The following TDRD3 variants were observed in gnomAD, a reference collection of about 807,000 sequenced individuals.
TDRD3 encodes the protein tudor domain-containing protein 3.
A neutral mutation model predicts 86.7 loss-of-function variants in TDRD3; 45 were observed. The ratio of observed to expected loss-of-function variants is 0.52; its 90% confidence interval spans 0.41 to 0.67. The LOEUF is 0.67. Among genes scored for constraint, TDRD3 ranks in the 30% least tolerant of loss-of-function variants. The pLI is 0.00. For missense variants in TDRD3, 814 were observed against 889.0 expected (o/e 0.92, Z 1.07); for synonymous variants, 298 against 301.7 (o/e 0.99, Z 0.13).
intron 1 of TDRD3, among the ~76,000 whole-genome samples, chr13:60,437,121 CTTTTTT>C (rs528500199): frequency 1.1e-4 from 8 of 73,760 alleles, no homozygotes; most frequent in African/African-American, 4.3e-4. Flanking sequence ...ATAAATTAAA[CTTTTTT>C]TTTTTTTTTT....
chr13:60,459,652 G>T (rs913058279), intron 3 of TDRD3, among the ~76,000 whole-genome samples: 3 of 152,092 alleles, frequency 2.0e-5, no homozygotes, highest in Admixed American at 6.5e-5. Flanking sequence ...ACGGAGTCTC[G>T]CTCTGTCATC....
chr13:60,403,407 G>C (rs1954154031), intron 1 of TDRD3, among the ~76,000 whole-genome samples: 1 of 152,114 alleles, frequency 6.6e-6, no homozygotes, highest in South Asian at 2.1e-4. Context: ...TCATGTTTCA[G>C]TTAAGTGCCA....
chr13:60,560,827 A>T (rs1198990320), intron 12 of TDRD3, among the ~76,000 whole-genome samples: 3 of 152,180 alleles, frequency 2.0e-5, no homozygotes, highest in African/African-American at 7.2e-5. Flanking sequence ...GTCCTCCCGA[A>T]ATTTTCTGTG....
intron 5 of TDRD3, among the ~76,000 whole-genome samples, chr13:60,473,986 T>TGA (rs1028396042): frequency 1.3e-5 from 2 of 152,296 alleles, no homozygotes; most frequent in African/African-American, 4.8e-5. Flanking sequence ...AAGGCCTGAC[T>TGA]GATGGCAGGC....
chr13:60,467,161 G>A (rs1458453454), intron 4 of TDRD3, 77 bp from the exon 5 acceptor site: 22 of 1,552,212 alleles, frequency 1.4e-5, no homozygotes, highest in East Asian at 6.8e-5. Flanking sequence ...GACAGGCCCC[G>A]GTCTGTGTTG....
chr13:60,439,110 A>G (rs1955192294), intron 1 of TDRD3, among the ~76,000 whole-genome samples: 2 of 148,852 alleles, frequency 1.3e-5, no homozygotes, highest in Admixed American at 6.6e-5. Context: ...GACAATGCGT[A>G]AAAAAAACTG....
At chr13:60,429,073 G>T (rs560217954) in intron 1 of TDRD3, among the ~76,000 whole-genome samples, 1 of 152,220 alleles carries the variant, frequency 6.6e-6, no homozygotes, top group South Asian at 2.1e-4. Flanking sequence ...TAAAGAAATG[G>T]AAATGAGAAT....
At chr13:60,436,622 G>C (rs1391759346) in intron 1 of TDRD3, among the ~76,000 whole-genome samples, 1 of 152,024 alleles carries the variant, frequency 6.6e-6, no homozygotes, top group Admixed American at 6.6e-5. Flanking sequence ...TGTTCCATTG[G>C]TATCATTGCG....
intron 3 of TDRD3, among the ~76,000 whole-genome samples, chr13:60,448,065 A>G (rs1955449005): frequency 1.3e-5 from 2 of 152,060 alleles, no homozygotes; most frequent in South Asian, 2.1e-4. Context: ...TTCAAACTTC[A>G]TCTCCTGAAA....
At chr13:60,448,472 T>C (rs779928504) in intron 3 of TDRD3, among the ~76,000 whole-genome samples, 1 of 152,184 alleles carries the variant, frequency 6.6e-6, no homozygotes, top group African/African-American at 2.4e-5. Context: ...TAACATACTT[T>C]TCAATTTCTG....
chr13:60,439,946 GTTA>G (rs1284531656), intron 2 of TDRD3, among the ~76,000 whole-genome samples, 174 bp downstream of exon 2: 8 of 152,012 alleles, frequency 5.3e-5, no homozygotes, highest in African/African-American at 9.7e-5. Flanking sequence ...ATATTAGCAA[GTTA>G]TTAATATCTG....
intron 8 of TDRD3, among the ~76,000 whole-genome samples, chr13:60,495,709 C>T (rs1053132593): frequency 3.9e-5 from 6 of 152,132 alleles, no homozygotes; most frequent in African/African-American, 9.7e-5. Flanking sequence ...AGATGATCCA[C>T]CCGCTTCTTC....
Position 60,565,041 on chromosome 13 carries a change from CTTTTTTTTTTT to C in TDRD3, c.2119-2462_2119-2452del, listed in dbSNP as rs869194148. Among the ~76,000 whole-genome samples, 304 of 70,874 alleles carry C rather than the reference CTTTTTTTTTTT, an allele frequency of 4.3e-3. 1 individual carries two copies. The highest frequency in any genetic ancestry group is 0.017 in the African/African-American group (275 of 16,182). 46.5% of individuals were successfully genotyped at this position (70,874 alleles called of 152,430 possible). A position where few individuals can be genotyped will look rare whatever the true frequency, so the allele number is the denominator to read the frequency against. ...GAACTGAAAACCAAACTATCAGTAT[CTTTTTTTTTTT>C]TTTTTTTTTTTTTTTTTTTTTGAGA... On this transcript the variant is annotated intron_variant, in intron 12 of 13. Coordinates refer to ENST00000377881, the MANE Select transcript of TDRD3 (RefSeq NM_001146070.2).
intron 1 of TDRD3, among the ~76,000 whole-genome samples, chr13:60,427,072 G>A (rs1954831592): frequency 1.3e-5 from 2 of 152,314 alleles, no homozygotes; most frequent in South Asian, 2.1e-4. Context: ...TAAAAATACA[G>A]TATTTTAATC....
chr13:60,553,095 A>G (rs1224796171), intron 12 of TDRD3, among the ~76,000 whole-genome samples: 1 of 152,224 alleles, frequency 6.6e-6, no homozygotes, highest in East Asian at 1.9e-4. Context: ...ACTCTTACCC[A>G]GAAAATGGGT....
At chr13:60,500,805 G>A (rs1489351771) in intron 8 of TDRD3, among the ~76,000 whole-genome samples, 1 of 152,218 alleles carries the variant, frequency 6.6e-6, no homozygotes, top group Non-Finnish European at 1.5e-5. Context: ...GAAGATGTTT[G>A]TATCCCATGT....
At chr13:60,507,667 T>C (rs1466997724) in intron 8 of TDRD3, among the ~76,000 whole-genome samples, 1 of 152,072 alleles carries the variant, frequency 6.6e-6, no homozygotes, top group Non-Finnish European at 1.5e-5. Context: ...AATACCAGAA[T>C]CTCTGGGACA....
chr13:60,529,525 CAT>C (rs1010812826), intron 11 of TDRD3, among the ~76,000 whole-genome samples: 2 of 152,108 alleles, frequency 1.3e-5, no homozygotes, highest in Non-Finnish European at 2.9e-5. Flanking sequence ...AACTGAATTA[CAT>C]ATGTTTGCTT....
intron 1 of TDRD3, among the ~76,000 whole-genome samples, 156 bp downstream of exon 1, chr13:60,397,561 C>T (rs1268942369): frequency 2.0e-5 from 3 of 149,786 alleles, no homozygotes; most frequent in Non-Finnish European, 4.4e-5. Context: ...CCGCCCCCGG[C>T]GCCACGCGGA....
Sources: gnomAD v4.1 joint callset for allele counts (sites outside exome capture counted in the v4.1 genomes callset) on GRCh38, gnomAD v4.1.1 for gene constraint, MANE v1.5 for transcripts, NCBI Gene and HGNC (gene_info 2026-07-23, HGNC 2026-07-21) for gene names.